EML6: variants seen among roughly 807,000 people sequenced by gnomAD.
The protein encoded by EML6 is EMAP like 6.
EML6 carries 154 observed loss-of-function variants against 240.1 expected under a neutral mutation model. The ratio of observed to expected loss-of-function variants is 0.64; its 90% CI spans 0.56 to 0.73. The LOEUF is 0.73. Among genes scored for constraint, EML6 ranks in the 30% least tolerant of loss-of-function variants. The pLI, the probability that EML6 is intolerant of heterozygous loss-of-function variation, is 0.00. For synonymous variants in EML6, 1,148 were observed against 899.0 expected (o/e 1.28, Z -4.95); for missense variants, 2,964 against 2,474.6 (o/e 1.20, Z -4.20).
chr2:54,823,842 T>C (rs1333016261), intron 5 of EML6, among the ~76,000 whole-genome samples: 4 of 82,730 alleles, frequency 4.8e-5, no homozygotes, highest in Admixed American at 2.9e-4. Context: ...TTAATATTCA[T>C]TCATTCATTC....
chr2:54,886,085 C>T (rs536456641), intron 17 of EML6, among the ~76,000 whole-genome samples: 17 of 151,094 alleles, frequency 1.1e-4, no homozygotes, highest in African/African-American at 3.9e-4. Context: ...ACCTTCTGTA[C>T]CCATCACCCA....
intron 28 of EML6, among the ~76,000 whole-genome samples, chr2:54,930,011 C>A (rs988954362): frequency 3.3e-5 from 5 of 151,950 alleles, no homozygotes; most frequent in Admixed American, 3.3e-4. Context: ...ACCATATGCA[C>A]AGAAGTGCAT....
chr2:54,825,703 G>T (rs567203225), intron 5 of EML6, among the ~76,000 whole-genome samples: 4 of 152,028 alleles, frequency 2.6e-5, no homozygotes. Context: ...TCTTGCCAAG[G>T]CATCCCTCTA....
chr2:54,851,222 A>G (rs367892159), intron 10 of EML6, among the ~76,000 whole-genome samples: 2 of 152,068 alleles, frequency 1.3e-5, no homozygotes, highest in East Asian at 1.9e-4. Context: ...CAACCTGGCC[A>G]ACATGGTGAA....
At chr2:54,783,972 A>G (rs1209848742) in intron 2 of EML6, among the ~76,000 whole-genome samples, 1 of 152,022 alleles carries the variant, frequency 6.6e-6, no homozygotes, top group Non-Finnish European at 1.5e-5. Flanking sequence ...TTTTTGAGAT[A>G]AGGTCTTGTG....
At chr2:54,817,834 G>T (rs150703962) in intron 4 of EML6, among the ~76,000 whole-genome samples, 1 of 151,360 alleles carries the variant, frequency 6.6e-6, no homozygotes, top group Non-Finnish European at 1.5e-5. Flanking sequence ...ATGGCACATT[G>T]ATCTATGGAG....
At chr2:54,966,152 A>G (rs1401154571) in intron 38 of EML6, among the ~76,000 whole-genome samples, 1 of 152,260 alleles carries the variant, frequency 6.6e-6, no homozygotes, top group Non-Finnish European at 1.5e-5. Flanking sequence ...AAATATAAAT[A>G]TAATTACAAA....
Position 54,962,591 on chromosome 2 carries a change from C to T in EML6, c.5037C>T (p.Asn1679=). The change falls in exon 36 of 42, where the codon AAC becomes AAT. Residue 1679 remains asparagine (N), a synonymous_variant. Coordinates refer to ENST00000356458, the MANE Select transcript of EML6 (RefSeq NM_001039753.4). The part of the protein sequence containing the change: ...IEVGEKNAAS[N]ILIDGHMEGE... ...TTGGTGAAAAAAATGCTGCTTCTAA[C>T]ATCCTGATTGATGGTCACATGGAAG... 3 of 1,550,050 alleles carry T rather than the reference C, an allele frequency of 1.9e-6. No homozygotes were observed. In the South Asian group the frequency reaches 3.6e-5, roughly 19 times the overall value.
rs1490965448 is a variant in EML6 at position 54,847,656 on chromosome 2, A to G, written c.1187+33A>G. 1.1e-5 allele frequency: 17 copies of G among 1,548,100 alleles called. 1 individual carries two copies. The highest frequency in any genetic ancestry group is 3.6e-5 in the South Asian group (3 of 83,956). ...CTGATGTTGAAAATGGTATTTAGAAATGCTCTCGTGTTAAATGTTACAATT... is the reference window on the plus strand; with the variant it reads ...CTGATGTTGAAAATGGTATTTAGAAGTGCTCTCGTGTTAAATGTTACAATT... On this transcript the variant is annotated intron_variant, in intron 9 of 41. Transcript: ENST00000356458.
Position 54,895,368 on chromosome 2 carries a change from G to A in EML6, c.2950G>A (p.Asp984Asn). Residue 984 changes from aspartate to asparagine, a missense_variant, in exon 21 of 42, where the codon GAT (aspartate) becomes AAT (asparagine). Asp to Asn is a conservative substitution (Grantham distance 23). Coordinates refer to ENST00000356458, the MANE Select transcript of EML6 (RefSeq NM_001039753.4). Reference sequence around the variant, plus strand: ...AAAAAATGGAGAGATTCTGGAAATTGATAAGAGTGGCCCAATGACACTGCT... The same window carrying A: ...AAAAAATGGAGAGATTCTGGAAATTAATAAGAGTGGCCCAATGACACTGCT... ...GTKNGEILEI[D>N]KSGPMTLLVQ... 1 of 1,552,032 alleles carries A rather than the reference G, an allele frequency of 6.4e-7. No individual in the cohort carries two copies. Among genetic ancestry groups the A allele is most frequent in the Non-Finnish European group, 8.7e-7 (1 of 1,146,974 alleles).
chr2:54,914,797 T>A (rs765879469), intron 25 of EML6, among the ~76,000 whole-genome samples: 5 of 151,570 alleles, frequency 3.3e-5, no homozygotes, highest in Non-Finnish European at 5.9e-5. Flanking sequence ...TTTTTTTTTT[T>A]AAGAAACAAT....
In EML6 at chr2:54,837,595, T is replaced by C. The variant is rs533087712; in HGVS notation, c.848-6452T>C. ...TGTCATTTGCTCATCATCTTTGGGC[T>C]TTCCGATCCAGTGGGGTAGAGTTTG... On this transcript the variant is annotated intron_variant, in intron 7 of 41. Coordinates refer to ENST00000356458, the MANE Select transcript of EML6 (RefSeq NM_001039753.4). Among the ~76,000 whole-genome samples, 26 of 152,314 alleles carry C rather than the reference T, an allele frequency of 1.7e-4. No homozygotes were observed. In the Middle Eastern group the frequency reaches 0.024, roughly 139 times the overall value.
intron 2 of EML6, among the ~76,000 whole-genome samples, chr2:54,807,366 T>C (rs1670552442): frequency 6.6e-6 from 1 of 152,240 alleles, no homozygotes; most frequent in South Asian, 2.1e-4. Flanking sequence ...GAGAGAATAT[T>C]GAGGACGTTT....
intron 5 of EML6, among the ~76,000 whole-genome samples, chr2:54,821,596 A>G (rs1173209190): frequency 1.3e-5 from 2 of 152,152 alleles, no homozygotes; most frequent in Non-Finnish European, 2.9e-5. Flanking sequence ...ACTTTGGGAT[A>G]AAGAATCATG....
chr2:54,836,584 C>G (rs141172580), intron 7 of EML6, among the ~76,000 whole-genome samples: 14 of 152,218 alleles, frequency 9.2e-5, no homozygotes, highest in Non-Finnish European at 1.8e-4. Flanking sequence ...AATGCCCACT[C>G]TGTGGTGGCC....
chr2:54,732,648 G>A (rs1371170020), intron 2 of EML6, among the ~76,000 whole-genome samples: 3 of 152,168 alleles, frequency 2.0e-5, no homozygotes, highest in African/African-American at 7.2e-5. Context: ...AATGTTTGGG[G>A]ATCCAGAAAT....
At chr2:54,773,018 C>A (rs1199521798) in intron 2 of EML6, among the ~76,000 whole-genome samples, 1 of 152,230 alleles carries the variant, frequency 6.6e-6, no homozygotes, top group Non-Finnish European at 1.5e-5. Context: ...CTTCTGTCCT[C>A]ATGTCCGAAA....
At chr2:54,947,107 C>CCATG (rs1675731338) in intron 28 of EML6, among the ~76,000 whole-genome samples, 1 of 152,090 alleles carries the variant, frequency 6.6e-6, no homozygotes, top group Non-Finnish European at 1.5e-5. Context: ...GCCTTATGAG[C>CCATG]CATGCCATAG....
intron 28 of EML6, among the ~76,000 whole-genome samples, chr2:54,938,343 A>G (rs1675258334): frequency 6.6e-6 from 1 of 152,232 alleles, no homozygotes; most frequent in Non-Finnish European, 1.5e-5. Context: ...ATTTTAGGGT[A>G]TGCAGAAAGC....
Sources: allele counts gnomAD v4.1 joint callset (sites outside exome capture counted in the v4.1 genomes callset), GRCh38; gene constraint gnomAD v4.1.1; transcripts MANE v1.5; gene names NCBI Gene and HGNC (gene_info 2026-07-23, HGNC 2026-07-21).